The following GOLT1B variants were observed in gnomAD, a reference collection of about 807,000 sequenced individuals.
The protein encoded by GOLT1B is vesicle transport protein GOT1B.
GOLT1B carries 3 observed loss-of-function variants against 15.4 expected under a neutral mutation model. The ratio of observed to expected loss-of-function variants is 0.19; its 90% CI spans 0.09 to 0.50. The LOEUF (loss-of-function observed/expected upper bound fraction) is 0.50, where lower values mean the gene tolerates loss of function less well. GOLT1B is among the 20% of genes least tolerant of loss of function. The probability of loss-of-function intolerance (pLI) is 0.97; values close to 1 mark genes in which losing one functional copy is unlikely to be tolerated. For synonymous variants in GOLT1B, 65 were observed against 56.2 expected (o/e 1.16, Z -0.70); for missense variants, 145 against 160.4 (o/e 0.90, Z 0.52).
intron 1 of GOLT1B, among the ~76,000 whole-genome samples, chr12:21,503,578 C>T (rs1943656936): frequency 6.6e-6 from 1 of 152,202 alleles, no homozygotes; most frequent in Non-Finnish European, 1.5e-5. Flanking sequence ...GCATTCTCCT[C>T]ACTTCATTAA....
intron 1 of GOLT1B, among the ~76,000 whole-genome samples, chr12:21,506,470 A>G (rs1452635468): frequency 6.6e-6 from 1 of 152,060 alleles, no homozygotes; most frequent in East Asian, 1.9e-4. Flanking sequence ...AAAGAACTAC[A>G]GATATTGTGC....
chr12:21,516,072 A>G lies in GOLT1B; in HGVS notation c.*365A>G, dbSNP rs1943753581. 1 of 173,096 alleles carries G rather than the reference A, an allele frequency of 5.8e-6. No homozygotes were observed. The highest frequency in any genetic ancestry group is 1.6e-4 in the East Asian group (1 of 6,244). 10.7% of individuals were successfully genotyped at this position (173,096 alleles called of 1,614,324 possible). On this transcript the variant is annotated 3_prime_UTR_variant, in exon 5 of 5. Coordinates refer to ENST00000229314, the MANE Select transcript of GOLT1B (RefSeq NM_016072.5). The stretch of plus-strand genomic sequence containing the variant: ...TTATTTTGAAGGCTCAGGAGCATCC[A>G]TAGGCATTTGCTTTTTAGAAATGTC...
chr12:21,511,949 GTACT>G (rs1288749939), intron 3 of GOLT1B, among the ~76,000 whole-genome samples: 1 of 152,222 alleles, frequency 6.6e-6, no homozygotes, highest in African/African-American at 2.4e-5. Flanking sequence ...TTGACCCTTA[GTACT>G]TACTTAGTAA....
At chr12:21,515,562 A>T (rs1202622675) in intron 4 of GOLT1B, 107 bp from the exon 5 acceptor site, 2 of 689,558 alleles carry the variant, frequency 2.9e-6, no homozygotes, top group Non-Finnish European at 5.1e-6. Context: ...AATTTCCACA[A>T]CTCTTCTTGT....
chr12:21,508,464 G>T lies in GOLT1B; in HGVS notation c.199G>T (p.Ala67Ser). The change falls in exon 3 of 5, where the codon GCT (alanine) becomes TCT (serine). Residue 67 changes from alanine (A) to serine (S), a missense_variant. Physicochemically the swap from Ala to Ser is moderately conservative, Grantham distance 99. Transcript: ENST00000229314. ...RFFFQKHKMK[A>S]TGFFLGGVFV... is the part of the protein sequence containing the mutation. ...CTTCTTCCAAAAACATAAAATGAAA[G>T]CTACAGGTTTTTTTCTGGGTGGTGT... 6.3e-7 allele frequency: 1 copy of T among 1,591,620 alleles called. No individual in the cohort carries two copies. The highest frequency in any genetic ancestry group is 8.6e-7 in the Non-Finnish European group (1 of 1,160,720).
In GOLT1B at chr12:21,512,356, A is replaced by G; in HGVS notation, c.358A>G (p.Asn120Asp). The stretch of plus-strand genomic sequence containing the variant: ...AGTGCCAGTCCTTGGATCCCTCCTA[A>G]ATTTACCTGGAATTAGATCAGTAAG... ...RRVPVLGSLL[N>D]LPGIRSFVDK... Residue 120 changes from asparagine to aspartate, a missense_variant, in exon 4 of 5, where the codon AAT becomes GAT. Coordinates refer to ENST00000229314, the MANE Select transcript of GOLT1B (RefSeq NM_016072.5). 6.6e-7 allele frequency: 1 copy of G among 1,523,978 alleles called. No individual in the cohort carries two copies. The highest frequency in any genetic ancestry group is 9.1e-7 in the Non-Finnish European group (1 of 1,098,414). The allele number at this position is 1,523,978 out of a possible 1,614,324, so 94.4% of individuals were successfully genotyped here.
intron 3 of GOLT1B, among the ~76,000 whole-genome samples, chr12:21,512,056 A>G (rs1364602591): frequency 6.6e-6 from 1 of 152,206 alleles, no homozygotes; most frequent in Non-Finnish European, 1.5e-5. Context: ...TCATAGTTGG[A>G]GAAATCTTCA....
chr12:21,502,380 T>G (rs1943638760), intron 1 of GOLT1B, among the ~76,000 whole-genome samples: 1 of 152,192 alleles, frequency 6.6e-6, no homozygotes, highest in Non-Finnish European at 1.5e-5. Flanking sequence ...GCTGGTTATT[T>G]GGGAGGCGGT....
At chr12:21,508,892 GATA>G (rs1943698982) in intron 3 of GOLT1B, among the ~76,000 whole-genome samples, 1 of 103,730 alleles carries the variant, frequency 9.6e-6, no homozygotes, top group African/African-American at 2.9e-5. Flanking sequence ...TAGGTAGGTA[GATA>G]GATAGATAGA....
At position 21,507,268 on chromosome 12, in the gene GOLT1B, G is replaced by A. The variant is rs1462018003; in HGVS notation, c.117+292G>A. On this transcript the variant is annotated intron_variant, in intron 2 of 4. Transcript: ENST00000229314. ...AATAGGAGTTCAAAATAGATGACTT[G>A]ATAGTTTCATGTCTTGATAAATCAC... The A allele has an allele frequency of 4.0e-5, 11 of 273,594 alleles. No individual in the cohort carries two copies. The South Asian group carries it at 4.9e-4, about 12-fold the overall frequency. 16.9% of individuals were successfully genotyped at this position (273,594 alleles called of 1,614,324 possible).
chr12:21,505,180 C>T (rs1943670542), intron 1 of GOLT1B, among the ~76,000 whole-genome samples: 1 of 152,104 alleles, frequency 6.6e-6, no homozygotes, highest in Non-Finnish European at 1.5e-5. Context: ...AGGCCTAATT[C>T]GTGGTAAATT....
chr12:21,501,995 C>T (rs772143256), intron 1 of GOLT1B, 47 bp downstream of exon 1: 4 of 1,446,088 alleles, frequency 2.8e-6, no homozygotes, highest in South Asian at 2.3e-5. Context: ...GCACACCCAT[C>T]GCCCGGCTGG....
At chr12:21,507,509 A>C (rs574442165) in intron 2 of GOLT1B, among the ~76,000 whole-genome samples, 1 of 78,078 alleles carries the variant, frequency 1.3e-5, no homozygotes, top group Non-Finnish European at 2.5e-5. Flanking sequence ...TAGTGAAGAC[A>C]CTGTATGTGT....
chr12:21,512,185 C>A (rs1943724804), intron 3 of GOLT1B, 110 bp from the exon 4 acceptor site: 1 of 666,282 alleles, frequency 1.5e-6, no homozygotes, highest in African/African-American at 1.8e-5. Context: ...AGTTTGAAGA[C>A]CCTCAATTAT....
chr12:21,513,076 A>G (rs1943731737), intron 4 of GOLT1B, among the ~76,000 whole-genome samples: 1 of 148,054 alleles, frequency 6.8e-6, no homozygotes, highest in South Asian at 2.1e-4. Flanking sequence ...GTCTCAAAAA[A>G]AAAAAAAAAA....
At chr12:21,511,636 C>G (rs1012127032) in intron 3 of GOLT1B, among the ~76,000 whole-genome samples, 2 of 152,148 alleles carry the variant, frequency 1.3e-5, no homozygotes, top group African/African-American at 2.4e-5. Flanking sequence ...AAAGACATCA[C>G]CTTGTAGAGA....
intron 1 of GOLT1B, among the ~76,000 whole-genome samples, chr12:21,503,571 T>C (rs1943656866): frequency 6.6e-6 from 1 of 152,252 alleles, no homozygotes; most frequent in Non-Finnish European, 1.5e-5. Flanking sequence ...CTGAGAAGCA[T>C]TCTCCTCACT....
chr12:21,515,612 T>C lies in GOLT1B; in HGVS notation c.379-57T>C, dbSNP rs1366714143. 3.0e-5 allele frequency: 25 copies of C among 841,542 alleles called. No homozygotes were observed. In the Admixed American group the frequency reaches 3.9e-4, roughly 13 times the overall value. 52.1% of individuals were successfully genotyped at this position (841,542 alleles called of 1,614,324 possible). On this transcript the variant is annotated intron_variant, in intron 4 of 4. Transcript: ENST00000229314. ...AAAATCAACATTTTAAATATTGATATAATGTTTTATAATGTTCCGGGCTTT... is the reference window on the plus strand; with the variant it reads ...AAAATCAACATTTTAAATATTGATACAATGTTTTATAATGTTCCGGGCTTT...
At chr12:21,511,320 G>A (rs528578992) in intron 3 of GOLT1B, among the ~76,000 whole-genome samples, 52 of 152,250 alleles carry the variant, frequency 3.4e-4, no homozygotes, top group African/African-American at 1.0e-3. Flanking sequence ...AGGGGGGAGG[G>A]TCGCAGATCC....
Sources: allele counts gnomAD v4.1 joint callset (sites outside exome capture counted in the v4.1 genomes callset), GRCh38; gene constraint gnomAD v4.1.1; transcripts MANE v1.5; gene names NCBI Gene and HGNC (gene_info 2026-07-23, HGNC 2026-07-21).